RAPGEF1: variants seen among roughly 807,000 people sequenced by gnomAD.
The protein encoded by RAPGEF1 is Rap guanine nucleotide exchange factor 1.
Under a neutral mutation model 143.3 loss-of-function variants are expected in RAPGEF1, and 33 were observed. The ratio of observed to expected loss-of-function variants is 0.23; its 90% CI spans 0.17 to 0.31. The LOEUF is 0.31. RAPGEF1 is among the 10% of genes least tolerant of loss of function. The pLI is 1.00. For missense variants in RAPGEF1, 1,199 were observed against 1,645.4 expected (o/e 0.73, Z 4.69); for synonymous variants, 629 against 676.5 (o/e 0.93, Z 1.09).
Position 131,594,322 on chromosome 9 carries a change from C to T in RAPGEF1, c.2689+1976G>A, listed in dbSNP as rs550124218. 1.1e-4 allele frequency among the ~76,000 whole-genome samples: 17 copies of T among 152,332 alleles called. No homozygotes were observed. In the East Asian group the frequency reaches 2.1e-3, roughly 19 times the overall value. On this transcript the variant is annotated intron_variant, in intron 17 of 26. Transcript: ENST00000683357. The stretch of plus-strand genomic sequence containing the variant: ...GTCCCTCATTTTCCTCCTAAGGAAT[C>T]GGAAGCTCCGGGGCTAAGTGACAGG...
chr9:131,684,286 C>T (rs1033821715), intron 1 of RAPGEF1, among the ~76,000 whole-genome samples: 1 of 152,218 alleles, frequency 6.6e-6, no homozygotes, highest in Non-Finnish European at 1.5e-5. Flanking sequence ...TTTGTCTGGG[C>T]TACATGCCAA....
intron 1 of RAPGEF1, among the ~76,000 whole-genome samples, chr9:131,733,540 G>C (rs1217269517): frequency 2.6e-5 from 4 of 152,280 alleles, no homozygotes; most frequent in African/African-American, 9.6e-5. Context: ...CAGATGACCA[G>C]AAACTAAGAT....
chr9:131,590,714 G>A (rs1004102526), intron 18 of RAPGEF1, among the ~76,000 whole-genome samples: 1 of 152,240 alleles, frequency 6.6e-6, no homozygotes, highest in Non-Finnish European at 1.5e-5. Context: ...ACAGAGCAAC[G>A]TACCAGGGAC....
intron 16 of RAPGEF1, 126 bp from the exon 17 acceptor site, chr9:131,596,499 G>T: frequency 1.1e-6 from 1 of 937,078 alleles, no homozygotes; most frequent in Admixed American, 2.0e-5. Context: ...CTCCTTCTGT[G>T]CTCCTCGGCC....
intron 1 of RAPGEF1, among the ~76,000 whole-genome samples, chr9:131,726,626 A>G (rs967751433): frequency 4.5e-5 from 3 of 67,148 alleles, no homozygotes; most frequent in African/African-American, 1.2e-4. Context: ...ACTCTGTCTC[A>G]AGAAAAAAAA....
chr9:131,598,130 T>C (rs2296950), intron 16 of RAPGEF1, 69 bp downstream of exon 16: 440,850 of 1,355,484 alleles, frequency 0.33, 73,403 homozygotes, highest in Admixed American at 0.39. Flanking sequence ...CAAGATCACA[T>C]TCTTCTCTGC....
In RAPGEF1 at chr9:131,628,788, T is replaced by G; in HGVS notation, c.894-116A>C. On this transcript the variant is annotated intron_variant, in intron 7 of 26. Coordinates refer to ENST00000683357, the MANE Select transcript of RAPGEF1 (RefSeq NM_001377935.1). The surrounding 1 kb of genome is among the most constrained non-coding windows in gnomAD (Gnocchi z 5.7). ...ATTACTAGACTCTCCACACCCAATG[T>G]TCACACTTCAACTCCTGCCTACTCC... 2 of 1,368,908 alleles carry G rather than the reference T, an allele frequency of 1.5e-6. No homozygotes were observed. The highest frequency in any genetic ancestry group is 2.0e-6 in the Non-Finnish European group (2 of 1,012,010). The allele number at this position is 1,368,908 out of a possible 1,614,324, so 84.8% of individuals were successfully genotyped here. A position where few individuals can be genotyped will look rare whatever the true frequency, so the allele number is the denominator to read the frequency against.
intron 22 of RAPGEF1, among the ~76,000 whole-genome samples, chr9:131,586,355 C>T (rs1166315533): frequency 8.7e-6 from 1 of 114,972 alleles, no homozygotes; most frequent in Non-Finnish European, 1.9e-5. Context: ...CCGTCTCAAA[C>T]ACACACACAC....
Position 131,672,996 on chromosome 9 carries a change from T to C in RAPGEF1, c.62-22047A>G, listed in dbSNP as rs556458369. ...AGAACCAGGGGGCCAAAGCCACCAC[T>C]GAGCCCTGCTCTTCCTTCTGCTTCA... On this transcript the variant is annotated intron_variant, in intron 1 of 26. Transcript: ENST00000683357. Among the ~76,000 whole-genome samples, 122 of 152,348 alleles carry C rather than the reference T, an allele frequency of 8.0e-4. 1 individual carries two copies. The highest frequency in any genetic ancestry group is 1.5e-3 in the Non-Finnish European group (100 of 68,028).
chr9:131,645,166 T>C lies in RAPGEF1; in HGVS notation c.316-1749A>G, dbSNP rs78462345. ...GACAAGAGCTCTCTGCTTCATGTCA[T>C]CTGCCCGGGGCAGGGAGGAACCTGA... On this transcript the variant is annotated intron_variant, in intron 3 of 26. Transcript: ENST00000683357. Among the ~76,000 whole-genome samples the C allele has an allele frequency of 9.2e-3, 1,397 of 152,320 alleles. 10 individuals are homozygous for C. The highest frequency in any genetic ancestry group is 0.017 in the South Asian group (80 of 4,826).
intron 12 of RAPGEF1, among the ~76,000 whole-genome samples, chr9:131,615,638 A>G (rs1359574023): frequency 1.3e-5 from 2 of 152,136 alleles, no homozygotes; most frequent in African/African-American, 2.4e-5. Flanking sequence ...GCTGGCTGTC[A>G]TCATTCCCCT....
At chr9:131,642,072 CAT>C (rs1430923256) in intron 4 of RAPGEF1, among the ~76,000 whole-genome samples, 1 of 152,202 alleles carries the variant, frequency 6.6e-6, no homozygotes, top group Non-Finnish European at 1.5e-5. Context: ...AAAAACAAAA[CAT>C]GTGCCAGCCT....
At position 131,589,958 on chromosome 9, in the gene RAPGEF1, A is replaced by G; in HGVS notation, c.2795T>C (p.Phe932Ser). The G allele has an allele frequency of 1.2e-6, 2 of 1,613,698 alleles. No individual in the cohort carries two copies. Among genetic ancestry groups the G allele is most frequent in the Non-Finnish European group, 1.7e-6 (2 of 1,179,728 alleles). Residue 932 changes from phenylalanine to serine, a missense_variant, in exon 19 of 27, where the codon TTT becomes TCT. Physicochemically the swap from Phe to Ser is radical, Grantham distance 155 (BLOSUM62 -2). Coordinates refer to ENST00000683357, the MANE Select transcript of RAPGEF1 (RefSeq NM_001377935.1). ...LQYRYEKFSP[F>S]ADTFKKRVSK... ...GACGCGCTTCTTGAATGTGTCGGCA[A>G]AGGGAGAGAATTTCTCATATGTGGA... is the stretch of plus-strand genomic sequence containing the variant.
intron 12 of RAPGEF1, among the ~76,000 whole-genome samples, chr9:131,617,809 A>C (rs564637899): frequency 6.6e-6 from 1 of 152,246 alleles, no homozygotes; most frequent in African/African-American, 2.4e-5. Context: ...CCATGGGGGG[A>C]GAATTGCACT....
rs1174030733 is a variant in RAPGEF1 at position 131,667,922 on chromosome 9, A to G, written c.62-16973T>C. On this transcript the variant is annotated intron_variant, in intron 1 of 26. Coordinates refer to ENST00000683357, the MANE Select transcript of RAPGEF1 (RefSeq NM_001377935.1). This position sits in a 1 kb window ranked among gnomAD's most constrained non-coding sequence, Gnocchi z 4.6. ...GTCACTAAGCCCAGTCCTGGCACTT[A>G]GTTAACATTCATAAATGTCATCTGT... Among the ~76,000 whole-genome samples the G allele has an allele frequency of 6.6e-6, 1 of 152,242 alleles. No individual in the cohort carries two copies. The highest frequency in any genetic ancestry group is 6.5e-5 in the Admixed American group (1 of 15,286).
At chr9:131,665,730 T>G (rs930909996) in intron 1 of RAPGEF1, among the ~76,000 whole-genome samples, 2 of 152,040 alleles carry the variant, frequency 1.3e-5, no homozygotes, top group African/African-American at 4.8e-5. Flanking sequence ...GCCTGACAAG[T>G]GCAAAGCCAC....
chr9:131,662,164 C>T (rs890108969), intron 1 of RAPGEF1, among the ~76,000 whole-genome samples: 3 of 152,206 alleles, frequency 2.0e-5, no homozygotes, highest in African/African-American at 7.2e-5. Flanking sequence ...CTGCACCAGC[C>T]ATTCTCTCCT....
Position 131,626,142 on chromosome 9 carries a change from G to A in RAPGEF1, c.1482C>T (p.Ser494=). 1 of 1,613,920 alleles carries A rather than the reference G, an allele frequency of 6.2e-7. No individual in the cohort carries two copies. Among genetic ancestry groups the A allele is most frequent in the South Asian group, 1.1e-5 (1 of 91,082 alleles). ...CATACTGCGAGGGATGCCGCTCGTAGGACACCCTGCAGCCAGAGCCGTCCG... is the reference window on the plus strand; with the variant it reads ...CATACTGCGAGGGATGCCGCTCGTAAGACACCCTGCAGCCAGAGCCGTCCG... ...QTADGSGCRV[S]YERHPSQYDN... is the part of the protein sequence containing the mutation. Residue 494 remains serine, a synonymous_variant, in exon 10 of 27, where the codon TCC becomes TCT. Coordinates refer to ENST00000683357, the MANE Select transcript of RAPGEF1 (RefSeq NM_001377935.1).
rs1480737940 is a variant in RAPGEF1, at chr9:131,604,066, GGAC to G, written c.2320-16_2320-14del. On this transcript the variant is annotated splice_polypyrimidine_tract_variant and intron_variant, in intron 13 of 26. Transcript: ENST00000683357. ...TGGCGTTTTCACTCTGGGGGAGACA[GGAC>G]GAGAGGAAAGACACATGGGCCAGGC... is the stretch of plus-strand genomic sequence containing the variant. The G allele has an allele frequency of 6.1e-6, 8 of 1,311,190 alleles. No homozygotes were observed. Among genetic ancestry groups the G allele is most frequent in the Non-Finnish European group, 7.1e-6 (7 of 989,754 alleles). The allele number at this position is 1,311,190 out of a possible 1,614,324, so 81.2% of individuals were successfully genotyped here. A position where few individuals can be genotyped will look rare whatever the true frequency, so the allele number is the denominator to read the frequency against.
Sources: allele counts gnomAD v4.1 joint callset (sites outside exome capture counted in the v4.1 genomes callset), GRCh38; gene constraint gnomAD v4.1.1; non-coding constraint Gnocchi (gnomAD v3.1); transcripts MANE v1.5; gene names NCBI Gene and HGNC (gene_info 2026-07-23, HGNC 2026-07-21).